Variants in RAI14 observed in about 807,000 individuals in gnomAD.
The protein encoded by RAI14 is ankycorbin.
RAI14 carries 45 observed loss-of-function variants against 115.4 expected under a neutral mutation model. That is an observed-to-expected ratio of 0.39 (90% CI 0.31 to 0.50). The LOEUF is 0.50. Ranked by LOEUF, RAI14 falls within the 20% of genes least tolerant of loss-of-function variation. RAI14 has a pLI of 0.85. For synonymous variants in RAI14, 371 were observed against 415.4 expected (o/e 0.89, Z 1.30); for missense variants, 939 against 1,131.2 (o/e 0.83, Z 2.44).
rs189056056 is a variant in RAI14, at chr5:34,756,025, A to C, written c.37-1443A>C. 3.8e-3 allele frequency among the ~76,000 whole-genome samples: 583 copies of C among 152,248 alleles called. 2 individuals are homozygous for C. Among genetic ancestry groups the C allele is most frequent in the Non-Finnish European group, 6.1e-3 (414 of 68,020 alleles). ...TGCTTCATTCCTACTGTGCACCTGCACTCAGTGTTGGTGGGGGAGGACAGA... is the reference window on the plus strand; with the variant it reads ...TGCTTCATTCCTACTGTGCACCTGCCCTCAGTGTTGGTGGGGGAGGACAGA... On this transcript the variant is annotated intron_variant, in intron 2 of 17. Transcript: ENST00000265109.
chr5:34,746,082 A>ACC (rs1287122655), intron 2 of RAI14, among the ~76,000 whole-genome samples: 52 of 23,628 alleles, frequency 2.2e-3, no homozygotes, highest in Non-Finnish European at 3.3e-3. Flanking sequence ...CCCCTTATAC[A>ACC]CCACCCCCTC....
chr5:34,716,700 A>T (rs1742045799), intron 2 of RAI14: 3 of 152,246 alleles, frequency 2.0e-5, no homozygotes, highest in Admixed American at 2.0e-4. Flanking sequence ...GGTGTGAGCC[A>T]CTGCGCCCGG....
intron 2 of RAI14, among the ~76,000 whole-genome samples, chr5:34,747,188 A>G (rs999555589): frequency 6.6e-6 from 1 of 152,234 alleles, no homozygotes; most frequent in African/African-American, 2.4e-5. Context: ...AGAACCAACT[A>G]TATTGTAAAT....
chr5:34,756,946 T>C (rs1341805549), intron 2 of RAI14, among the ~76,000 whole-genome samples: 2 of 152,208 alleles, frequency 1.3e-5, no homozygotes, highest in South Asian at 2.1e-4. Flanking sequence ...GGACAACTAC[T>C]TAAAATCAGT....
chr5:34,662,670 A>C (rs1742780606), intron 1 of RAI14, among the ~76,000 whole-genome samples: 2 of 152,028 alleles, frequency 1.3e-5, no homozygotes, highest in African/African-American at 4.8e-5. Flanking sequence ...GCTGAAAATC[A>C]TAAACATAGA....
chr5:34,658,668 C>T (rs531502248), intron 1 of RAI14, among the ~76,000 whole-genome samples: 17 of 152,008 alleles, frequency 1.1e-4, no homozygotes, highest in Non-Finnish European at 2.5e-4. Flanking sequence ...CGTGGTGGCA[C>T]GCACTTGTAA....
chr5:34,733,699 G>A (rs528549688), intron 2 of RAI14, among the ~76,000 whole-genome samples: 2 of 152,228 alleles, frequency 1.3e-5, no homozygotes, highest in Admixed American at 6.5e-5. Flanking sequence ...CCTGTCTCCC[G>A]CAAAGGTTGG....
At chr5:34,749,035 T>A (rs1746666564) in intron 2 of RAI14, among the ~76,000 whole-genome samples, 1 of 152,216 alleles carries the variant, frequency 6.6e-6, no homozygotes, top group Admixed American at 6.5e-5. Context: ...GCTTGCCTGT[T>A]CCTTGTACCC....
intron 2 of RAI14, among the ~76,000 whole-genome samples, chr5:34,704,584 G>A (rs1243635899): frequency 6.6e-6 from 1 of 152,090 alleles, no homozygotes; most frequent in Admixed American, 6.6e-5. Context: ...GATATTGTGA[G>A]GATTAAATAA....
At position 34,813,109 on chromosome 5, in the gene RAI14, A is replaced by G. The variant is rs1755800891; in HGVS notation, c.766-465A>G. Reference sequence around the variant, plus strand: ...CTTGAAGAAATCATAAACAGCAAATACTCAATACTAAATTTATGTGCTAAC... The same window carrying G: ...CTTGAAGAAATCATAAACAGCAAATGCTCAATACTAAATTTATGTGCTAAC... On this transcript the variant is annotated intron_variant, in intron 10 of 17. Coordinates refer to ENST00000265109, the MANE Select transcript of RAI14 (RefSeq NM_015577.3). 2.0e-5 allele frequency among the ~76,000 whole-genome samples: 3 copies of G among 152,206 alleles called. No individual in the cohort carries two copies. In the South Asian group the frequency reaches 6.2e-4, roughly 31 times the overall value.
intron 2 of RAI14, among the ~76,000 whole-genome samples, chr5:34,694,788 A>ATT (rs1739018646): frequency 1.3e-5 from 2 of 152,164 alleles, no homozygotes; most frequent in Non-Finnish European, 2.9e-5. Flanking sequence ...TCTAAGATGT[A>ATT]TTTCCCAATG....
At chr5:34,778,418 G>C (rs13182502) in intron 3 of RAI14, among the ~76,000 whole-genome samples, 33,575 of 152,124 alleles carry the variant, frequency 0.22, 5,032 homozygotes, top group Non-Finnish European at 0.31. Context: ...ACCCTGGCCG[G>C]GCATGGTGGC....
chr5:34,681,108 G>C (rs867226207), intron 1 of RAI14, among the ~76,000 whole-genome samples: 4 of 152,192 alleles, frequency 2.6e-5, no homozygotes, highest in South Asian at 2.1e-4. Context: ...GAGTTTGGAT[G>C]GCGTGAGGTA....
intron 2 of RAI14, among the ~76,000 whole-genome samples, chr5:34,694,916 T>C (rs1343427803): frequency 6.6e-6 from 1 of 152,128 alleles, no homozygotes; most frequent in Non-Finnish European, 1.5e-5. Flanking sequence ...TGTATGTGTG[T>C]GTGACAGAGT....
chr5:34,709,369 A>C (rs1741119087), intron 2 of RAI14, among the ~76,000 whole-genome samples: 1 of 152,010 alleles, frequency 6.6e-6, no homozygotes, highest in Non-Finnish European at 1.5e-5. Flanking sequence ...AATCGCTTGA[A>C]CCTGGACGAC....
At chr5:34,808,689 A>G in intron 7 of RAI14, 35 bp downstream of exon 7, 1 of 1,594,706 alleles carries the variant, frequency 6.3e-7, no homozygotes, top group Non-Finnish European at 8.6e-7. Flanking sequence ...GCAGAGGTAG[A>G]CATTGGTTTC....
In RAI14 at chr5:34,823,086, T is replaced by A; in HGVS notation, c.1244T>A (p.Val415Asp). Residue 415 changes from valine (V) to aspartate (D), a missense_variant, in exon 15 of 18, where the codon GTC (valine) becomes GAC (aspartate). Coordinates refer to ENST00000265109, the MANE Select transcript of RAI14 (RefSeq NM_015577.3). The surrounding 1 kb of genome is among the most constrained non-coding windows in gnomAD (Gnocchi z 4.5). ...CCAGACTCCAAATCATCTCCATCTG[T>A]CTTAATACATTCTTTAGGTAAATCC... ...SPPDSKSSPS[V>D]LIHSLGKSTT... is the part of the protein sequence containing the mutation. The A allele has an allele frequency of 6.2e-7, 1 of 1,612,906 alleles. No homozygotes were observed. Among genetic ancestry groups the A allele is most frequent in the Non-Finnish European group, 8.5e-7 (1 of 1,178,952 alleles).
chr5:34,733,935 G>A (rs952558828), intron 2 of RAI14, among the ~76,000 whole-genome samples: 2 of 152,150 alleles, frequency 1.3e-5, no homozygotes, highest in African/African-American at 2.4e-5. Context: ...CTTGGTTGGG[G>A]TACAGGCAAG....
intron 2 of RAI14, chr5:34,687,608 G>T: frequency 1.3e-6 from 2 of 1,521,450 alleles, no homozygotes; most frequent in African/African-American, 1.4e-5. Flanking sequence ...TTTTTTAAAA[G>T]GTCACCCCAT....
Sources: allele counts gnomAD v4.1 joint callset (sites outside exome capture counted in the v4.1 genomes callset), GRCh38; gene constraint gnomAD v4.1.1; non-coding constraint Gnocchi (gnomAD v3.1); transcripts MANE v1.5; gene names NCBI Gene and HGNC (gene_info 2026-07-23, HGNC 2026-07-21).